The following FILIP1L variants were observed in gnomAD, a reference collection of about 807,000 sequenced individuals.
FILIP1L encodes filamin A-interacting protein 1-like.
In FILIP1L, 55 loss-of-function variants were observed where a neutral mutation model predicts 96.6. That is an observed-to-expected ratio of 0.57 (90% CI 0.46 to 0.71). The LOEUF (loss-of-function observed/expected upper bound fraction) is 0.71. Ranked by LOEUF, FILIP1L falls within the 30% of genes least tolerant of loss-of-function variation. The pLI, the probability that FILIP1L is intolerant of heterozygous loss-of-function variation, is 0.00. For missense variants in FILIP1L, 1,304 were observed against 1,321.2 expected, an observed-to-expected ratio of 0.99 and a Z score of 0.20; for synonymous variants, 467 against 473.9, an observed-to-expected ratio of 0.99 and a Z score of 0.19.
chr3:99,876,157 A>C (rs1705506321), intron 4 of FILIP1L: 1 of 985,744 alleles, frequency 1.0e-6, no homozygotes, highest in Admixed American at 6.1e-5. Context: ...GCGCTCCGAG[A>C]GTCGCCCGAA....
At chr3:99,955,885 C>T (rs551057415) in intron 1 of FILIP1L, among the ~76,000 whole-genome samples, 51 of 152,262 alleles carry the variant, frequency 3.3e-4, no homozygotes, top group African/African-American at 1.2e-3. Context: ...TTGAATTAAA[C>T]GCATCTTCTC....
At chr3:99,898,183 T>C (rs1482768100) in intron 4 of FILIP1L, 3 of 152,242 alleles carry the variant, frequency 2.0e-5, no homozygotes, top group Non-Finnish European at 2.9e-5. Flanking sequence ...TTTTGTTGCA[T>C]ATTTTGACAT....
chr3:100,096,609 T>A (rs1284826673), intron 1 of FILIP1L, among the ~76,000 whole-genome samples: 1 of 150,814 alleles, frequency 6.6e-6, no homozygotes, highest in Non-Finnish European at 1.5e-5. Flanking sequence ...GTTACCAGAG[T>A]CTGGGAAGAG....
At chr3:100,055,882 C>A (rs1298549064) in intron 1 of FILIP1L, among the ~76,000 whole-genome samples, 2 of 152,136 alleles carry the variant, frequency 1.3e-5, no homozygotes, top group African/African-American at 4.8e-5. Context: ...TTCATAACTA[C>A]CTTCAAGGAG....
chr3:99,849,149 A>T lies in FILIP1L; in HGVS notation c.2527T>A (p.Ser843Thr), dbSNP rs1165591485. 6 of 1,614,058 alleles carry T rather than the reference A, an allele frequency of 3.7e-6. No homozygotes were observed. In the East Asian group the frequency reaches 1.1e-4, roughly 30 times the overall value. Residue 843 changes from serine (S) to threonine (T), a missense_variant, in exon 5 of 6, where the codon TCT (serine) becomes ACT (threonine). Coordinates refer to ENST00000477258, the MANE Select transcript of FILIP1L (RefSeq NM_001387850.1). Reference protein sequence around the residue: ...NQDEDPNDEGSVLSFKCSQST... With the variant: ...NQDEDPNDEGTVLSFKCSQST... Reference sequence around the variant, plus strand: ...TGGCTGCATTTGAAGGACAGCACAGATCCCTCATCATTAGGGTCCTCGTCT... The same window carrying T: ...TGGCTGCATTTGAAGGACAGCACAGTTCCCTCATCATTAGGGTCCTCGTCT...
At chr3:99,986,143 GTTT>G (rs1307908100) in intron 1 of FILIP1L, among the ~76,000 whole-genome samples, 5 of 152,090 alleles carry the variant, frequency 3.3e-5, no homozygotes, top group Non-Finnish European at 7.4e-5. Flanking sequence ...AATCTAAATT[GTTT>G]TTATTTTAAT....
At chr3:99,990,062 T>A (rs1407652892) in intron 1 of FILIP1L, among the ~76,000 whole-genome samples, 1 of 152,224 alleles carries the variant, frequency 6.6e-6, no homozygotes, top group African/African-American at 2.4e-5. Flanking sequence ...TGCAATTCTC[T>A]GTTTGCCGCT....
chr3:100,012,247 G>A (rs1028733638), intron 1 of FILIP1L, among the ~76,000 whole-genome samples: 9 of 152,126 alleles, frequency 5.9e-5, no homozygotes, highest in African/African-American at 2.2e-4. Context: ...ATACTAGAAA[G>A]AAGATTGGTA....
intron 1 of FILIP1L, among the ~76,000 whole-genome samples, chr3:100,112,670 A>G (rs941218109): frequency 2.6e-5 from 4 of 152,208 alleles, no homozygotes; most frequent in South Asian, 4.1e-4. Context: ...ATTGGTTAGT[A>G]TAAGAATCCA....
intron 4 of FILIP1L, among the ~76,000 whole-genome samples, chr3:99,906,742 A>G (rs1291651236): frequency 6.6e-6 from 1 of 152,140 alleles, no homozygotes; most frequent in African/African-American, 2.4e-5. Flanking sequence ...TAGCTTTTCC[A>G]GTACTGAGAA....
intron 5 of FILIP1L, chr3:99,833,302 A>G (rs1177042425): frequency 6.5e-7 from 1 of 1,545,224 alleles, no homozygotes; most frequent in Admixed American, 1.8e-5. Flanking sequence ...TTTGTGGAAT[A>G]TATTAAATTC....
In FILIP1L at chr3:100,032,050, A is replaced by G. The variant is rs182548837; in HGVS notation, c.-11+82003T>C. On this transcript the variant is annotated intron_variant, in intron 1 of 5. Transcript: ENST00000477258. The stretch of plus-strand genomic sequence containing the variant: ...TGTAAAAATTATGCTTTCAGATTAT[A>G]TAAAGACAGGCTACAGACCAGATCT... Among the ~76,000 whole-genome samples, 123 of 152,294 alleles carry G rather than the reference A, an allele frequency of 8.1e-4. 1 individual carries two copies. Among genetic ancestry groups the G allele is most frequent in the African/African-American group, 2.7e-3 (114 of 41,572 alleles).
chr3:99,841,155 G>T (rs1943112732), intron 5 of FILIP1L, among the ~76,000 whole-genome samples: 1 of 152,218 alleles, frequency 6.6e-6, no homozygotes. Context: ...CTAAGACACT[G>T]CGCATGTCAC....
intron 4 of FILIP1L, among the ~76,000 whole-genome samples, chr3:99,905,167 T>A (rs776741310): frequency 2.2e-4 from 34 of 152,204 alleles, no homozygotes; most frequent in Admixed American, 1.3e-3. Context: ...AATGTAGGCA[T>A]TTGCCAGGAC....
Position 99,848,972 on chromosome 3 carries a change from G to A in FILIP1L, c.2704C>T (p.Leu902Phe), listed in dbSNP as rs755959064. 2 of 1,614,132 alleles carry A rather than the reference G, an allele frequency of 1.2e-6. No homozygotes were observed. Among genetic ancestry groups the A allele is most frequent in the Non-Finnish European group, 1.7e-6 (2 of 1,180,002 alleles). Residue 902 changes from leucine (L) to phenylalanine (F), a missense_variant, in exon 5 of 6, where the codon CTT (leucine) becomes TTT (phenylalanine). By Grantham distance (22) the Leu-to-Phe change is conservative (BLOSUM62 0). Coordinates refer to ENST00000477258, the MANE Select transcript of FILIP1L (RefSeq NM_001387850.1). ...LVLSHTPGQP[L>F]HIKVTPDHVQ... ...TGGTCTGGAGTAACCTTTATATGAA[G>A]TGGCTGCCCAGGTGTGTGGCTTAGG...
chr3:100,030,112 C>T (rs1471453855), intron 1 of FILIP1L, among the ~76,000 whole-genome samples: 4 of 152,136 alleles, frequency 2.6e-5, no homozygotes, highest in South Asian at 2.1e-4. Context: ...GGAGACCCAA[C>T]GAGCACCAAA....
chr3:99,857,261 G>A (rs571310036), intron 4 of FILIP1L, among the ~76,000 whole-genome samples: 39 of 152,316 alleles, frequency 2.6e-4, no homozygotes, highest in African/African-American at 8.2e-4. Context: ...TCCCATCAGT[G>A]TTCTCCAAGA....
chr3:100,010,332 CAAG>C lies in FILIP1L; in HGVS notation c.-10-79305_-10-79303del, dbSNP rs548093319. Among the ~76,000 whole-genome samples, 39 of 151,830 alleles carry C rather than the reference CAAG, an allele frequency of 2.6e-4. 1 individual carries two copies. The South Asian group carries it at 7.5e-3, about 29-fold the overall frequency. On this transcript the variant is annotated intron_variant, in intron 1 of 5. Transcript: ENST00000477258. Reference sequence around the variant, plus strand: ...GTTGGGGAGCGGGGAGGTTTGGAAACAAGAAAAAAGGCATGTAACTGAGTATAT... The same window carrying C: ...GTTGGGGAGCGGGGAGGTTTGGAAACAAAAAAGGCATGTAACTGAGTATAT...
chr3:100,017,771 A>C (rs1389512085), intron 1 of FILIP1L, among the ~76,000 whole-genome samples: 3 of 152,026 alleles, frequency 2.0e-5, no homozygotes, highest in Admixed American at 2.0e-4. Flanking sequence ...AAAATAATAC[A>C]AAAAAAAGAA....
Sources: allele counts gnomAD v4.1 joint callset (sites outside exome capture counted in the v4.1 genomes callset), GRCh38; gene constraint gnomAD v4.1.1; transcripts MANE v1.5; gene names NCBI Gene and HGNC (gene_info 2026-07-23, HGNC 2026-07-21).